CEP290: variants seen among roughly 807,000 people sequenced by gnomAD.
CEP290 encodes the protein centrosomal protein 290.
CEP290 carries 317 observed loss-of-function variants against 344.9 expected under a neutral mutation model. That is an observed-to-expected ratio of 0.92 (90% CI 0.84 to 1.01). CEP290 has a LOEUF of 1.01. Among genes scored for constraint, CEP290 ranks in the 50% least tolerant of loss-of-function variants. CEP290 has a pLI of 0.00. For missense variants in CEP290, 2,754 were observed against 2,761.4 expected, an observed-to-expected ratio of 1.00 and a Z score of 0.06; for synonymous variants, 932 against 895.8, an observed-to-expected ratio of 1.04 and a Z score of -0.72.
Position 88,080,140 on chromosome 12 carries a change from C to T in CEP290, c.5226+42G>A, listed in dbSNP as rs764129591. The T allele has an allele frequency of 5.4e-6, 7 of 1,288,736 alleles. No homozygotes were observed. In the Admixed American group the frequency reaches 6.8e-5, roughly 12 times the overall value. 79.8% of individuals were successfully genotyped at this position (1,288,736 alleles called of 1,614,324 possible). A position where few individuals can be genotyped will look rare whatever the true frequency, so the allele number is the denominator to read the frequency against. ...AATCTTCTCTAAAAGCAATCTACCA[C>T]ATATTTTTCCTAAATGTTGATAATT... On this transcript the variant is annotated intron_variant, in intron 38 of 53. Coordinates refer to ENST00000552810, the MANE Select transcript of CEP290 (RefSeq NM_025114.4).
At chr12:88,080,112 A>G in intron 38 of CEP290, 70 bp downstream of exon 38, 1 of 1,008,334 alleles carries the variant, frequency 9.9e-7, no homozygotes, top group Non-Finnish European at 1.5e-6. Flanking sequence ...TTATAAATTT[A>G]CAAATCTTCT....
chr12:88,139,544 C>A lies in CEP290; in HGVS notation c.201G>T (p.Glu67Asp). The change falls in exon 4 of 54, where the codon GAG (glutamate) becomes GAT (aspartate). Residue 67 changes from glutamate to aspartate, a missense_variant. Physicochemically the swap from Glu to Asp is conservative, Grantham distance 45. Transcript: ENST00000552810. The stretch of plus-strand genomic sequence containing the variant: ...CTTTTTCTACTTCTTCCAAAGCCAG[C>A]TCCACTTCTTGAGCTTTCATCTAAA... ...SLMKMKAQEV[E>D]LALEEVEKAG... 6.3e-7 allele frequency: 1 copy of A among 1,588,324 alleles called. No homozygotes were observed. Among genetic ancestry groups the A allele is most frequent in the Non-Finnish European group, 8.6e-7 (1 of 1,168,212 alleles).
intron 6 of CEP290, among the ~76,000 whole-genome samples, chr12:88,134,697 A>G (rs1313049938): frequency 6.6e-6 from 1 of 152,222 alleles, no homozygotes; most frequent in Non-Finnish European, 1.5e-5. Context: ...GGCAGAAATG[A>G]CAACTATCTC....
intron 43 of CEP290, among the ~76,000 whole-genome samples, chr12:88,070,263 A>G (rs1279143933): frequency 3.9e-5 from 6 of 152,184 alleles, no homozygotes; most frequent in Non-Finnish European, 8.8e-5. Context: ...GCAGATTACA[A>G]TAGAATACCA....
chr12:88,109,209 C>CAA, intron 22 of CEP290, 28 bp from the exon 23 acceptor site: 4 of 647,866 alleles, frequency 6.2e-6, no homozygotes, highest in East Asian at 3.4e-5. Flanking sequence ...AATAAGAATG[C>CAA]AAAAAAAAAC....
chr12:88,090,702 T>C, intron 30 of CEP290, 26 bp downstream of exon 30: 2 of 1,335,216 alleles, frequency 1.5e-6, no homozygotes, highest in South Asian at 1.3e-5. Context: ...GTGGATTCTA[T>C]GTAGAAGAGC....
chr12:88,073,589 T>C (rs923036992), intron 41 of CEP290, among the ~76,000 whole-genome samples: 3 of 152,192 alleles, frequency 2.0e-5, no homozygotes, highest in Non-Finnish European at 4.4e-5. Context: ...TGAAACATTA[T>C]ATTTTTTATT....
At chr12:88,070,106 A>C (rs1038064847) in intron 43 of CEP290, among the ~76,000 whole-genome samples, 10 of 152,172 alleles carry the variant, frequency 6.6e-5, no homozygotes, top group East Asian at 3.8e-4. Context: ...CACACACACA[A>C]AAATCTCAAA....
intron 42 of CEP290, 50 bp downstream of exon 42, chr12:88,071,731 C>A: frequency 7.2e-7 from 1 of 1,389,202 alleles, no homozygotes; most frequent in South Asian, 1.4e-5. Flanking sequence ...ATTTCCAGGT[C>A]ACTAAAGGAT....
At chr12:88,099,016 A>C (rs2037674830) in intron 26 of CEP290, among the ~76,000 whole-genome samples, 1 of 152,208 alleles carries the variant, frequency 6.6e-6, no homozygotes, top group Non-Finnish European at 1.5e-5. Context: ...AACAATTTAA[A>C]GATTTTAAGG....
In CEP290 at chr12:88,054,395, C is replaced by T; in HGVS notation, c.6979G>A (p.Val2327Ile). 1 of 1,610,902 alleles carries T rather than the reference C, an allele frequency of 6.2e-7. No homozygotes were observed. The highest frequency in any genetic ancestry group is 1.3e-5 in the African/African-American group (1 of 74,864). ...LEQQIKILKH[V>I]PEGAETEQGL... is the part of the protein sequence containing the mutation. ...TGCTCTGTCTCAGCACCTTCAGGAACATGTTTAAGAATCTTAATCTTTGAG... is the reference window on the plus strand; with the variant it reads ...TGCTCTGTCTCAGCACCTTCAGGAATATGTTTAAGAATCTTAATCTTTGAG... The change falls in exon 51 of 54, where the codon GTT (valine) becomes ATT (isoleucine). Residue 2327 changes from valine to isoleucine, a missense_variant. Transcript: ENST00000552810.
At chr12:88,085,871 C>T (rs2036538283) in intron 34 of CEP290, among the ~76,000 whole-genome samples, 168 bp downstream of exon 34, 2 of 152,056 alleles carry the variant, frequency 1.3e-5, no homozygotes, top group Admixed American at 1.3e-4. Flanking sequence ...TTAACTATAT[C>T]TGCTGTTCAT....
chr12:88,063,093 C>G (rs987427957), intron 45 of CEP290, among the ~76,000 whole-genome samples: 1 of 148,078 alleles, frequency 6.8e-6, no homozygotes, highest in African/African-American at 2.5e-5. Context: ...GGCAAATGAA[C>G]GTCTAACATT....
Position 88,080,179 on chromosome 12 carries a change from T to C in CEP290, c.5226+3A>G, listed in dbSNP as rs1305635176. 3 of 1,578,502 alleles carry C rather than the reference T, an allele frequency of 1.9e-6. No homozygotes were observed. The South Asian group carries it at 3.5e-5, about 18-fold the overall frequency. On this transcript the variant is annotated splice_donor_region_variant and intron_variant, in intron 38 of 53. Transcript: ENST00000552810. ...ATGTTGATAATTTTCTGTTGTTACT[T>C]ACTTTCTGTTGTTTCTCCTTCAAGG...
chr12:88,093,727 T>A (rs570549921), intron 28 of CEP290, 43 bp downstream of exon 28: 3 of 1,429,228 alleles, frequency 2.1e-6, no homozygotes, highest in East Asian at 2.5e-5. Context: ...CCAAAACTAA[T>A]TCTTTATTCT....
At chr12:88,125,903 T>C (rs1317519032) in intron 12 of CEP290, among the ~76,000 whole-genome samples, 2 of 152,068 alleles carry the variant, frequency 1.3e-5, no homozygotes, top group African/African-American at 4.8e-5. Flanking sequence ...ATAAAATAGG[T>C]AGCACAGTCA....
At chr12:88,055,416 G>A (rs1056736329) in intron 50 of CEP290, among the ~76,000 whole-genome samples, 160 bp downstream of exon 50, 1 of 152,160 alleles carries the variant, frequency 6.6e-6, no homozygotes, top group Non-Finnish European at 1.5e-5. Context: ...AGTCGTTGAT[G>A]ATCCAAAGTT....
In CEP290 at chr12:88,080,182, T is replaced by C. The variant is rs1351799437; in HGVS notation, c.5226A>G (p.Lys1742=). Residue 1742 remains lysine (K), a splice_region_variant and synonymous_variant, in exon 38 of 54, where the codon AAA becomes AAG. Coordinates refer to ENST00000552810, the MANE Select transcript of CEP290 (RefSeq NM_025114.4). ...SQLALKEKQQ[K]ALSRALLELR... ...TTGATAATTTTCTGTTGTTACTTAC[T>C]TTCTGTTGTTTCTCCTTCAAGGCTA... 3 of 1,588,434 alleles carry C rather than the reference T, an allele frequency of 1.9e-6. No homozygotes were observed. Among genetic ancestry groups the C allele is most frequent in the Non-Finnish European group, 2.6e-6 (3 of 1,164,720 alleles).
intron 32 of CEP290, 57 bp downstream of exon 32, chr12:88,087,719 CAAAA>C: frequency 2.8e-3 from 345 of 124,364 alleles, no homozygotes; most frequent in Middle Eastern, 8.0e-3. Context: ...GACTCCATCT[CAAAA>C]AAAAAAAAAA....
Sources: allele counts gnomAD v4.1 joint callset (sites outside exome capture counted in the v4.1 genomes callset), GRCh38; gene constraint gnomAD v4.1.1; transcripts MANE v1.5; gene names NCBI Gene and HGNC (gene_info 2026-07-23, HGNC 2026-07-21).